TNS3: variants seen among roughly 807,000 people sequenced by gnomAD.
The protein encoded by TNS3 is tensin 3.
Under a neutral mutation model 140.9 loss-of-function variants are expected in TNS3, and 45 were observed. That is an observed-to-expected ratio of 0.32 (90% CI 0.25 to 0.41). The LOEUF (loss-of-function observed/expected upper bound fraction) is 0.41. Ranked by LOEUF, TNS3 falls within the 10% of genes least tolerant of loss-of-function variation. The pLI is 1.00. For missense variants in TNS3, 1,716 were observed against 1,906.7 expected (o/e 0.90, Z 1.86); for synonymous variants, 815 against 788.4 (o/e 1.03, Z -0.56).
intron 17 of TNS3, among the ~76,000 whole-genome samples, chr7:47,366,640 C>T (rs1790719199): frequency 6.6e-6 from 1 of 152,200 alleles, no homozygotes; most frequent in African/African-American, 2.4e-5. Context: ...GTCGGGACTG[C>T]AGTCCTCACC....
rs1161107201 is a variant in TNS3, at chr7:47,532,905, G to A, written c.-264-3758C>T. ...AATTATAGGTAATAAGCAAACAAGA[G>A]AGATAAAATGAAATAATAAAAATTA... On this transcript the variant is annotated intron_variant, in intron 1 of 30. Coordinates refer to ENST00000311160, the MANE Select transcript of TNS3 (RefSeq NM_022748.12). Among the ~76,000 whole-genome samples, 7 of 151,778 alleles carry A rather than the reference G, an allele frequency of 4.6e-5. No homozygotes were observed. In the East Asian group the frequency reaches 9.7e-4, roughly 21 times the overall value.
intron 3 of TNS3, among the ~76,000 whole-genome samples, chr7:47,506,622 G>A (rs916487689): frequency 6.6e-6 from 1 of 151,856 alleles, no homozygotes; most frequent in Non-Finnish European, 1.5e-5. Context: ...AGAAACCAGG[G>A]ACCATGTGCC....
intron 27 of TNS3, among the ~76,000 whole-genome samples, chr7:47,288,376 G>C (rs964271950): frequency 6.6e-6 from 1 of 152,174 alleles, no homozygotes; most frequent in Non-Finnish European, 1.5e-5. Context: ...GTTCTTCTGC[G>C]CTTTCTTGAA....
chr7:47,550,919 C>T (rs377566100), intron 1 of TNS3, among the ~76,000 whole-genome samples: 8 of 152,190 alleles, frequency 5.3e-5, no homozygotes, highest in African/African-American at 1.9e-4. Flanking sequence ...AGTCTTACCC[C>T]ACTCCTGAGG....
chr7:47,293,218 A>C (rs1361966137), intron 25 of TNS3, among the ~76,000 whole-genome samples: 1 of 152,236 alleles, frequency 6.6e-6, no homozygotes, highest in Non-Finnish European at 1.5e-5. Flanking sequence ...AGCCAACTCC[A>C]ACTTCAACCA....
intron 16 of TNS3, among the ~76,000 whole-genome samples, chr7:47,375,205 G>A (rs1395828408): frequency 6.6e-6 from 1 of 152,186 alleles, no homozygotes; most frequent in East Asian, 1.9e-4. Context: ...AGCTGCGGAT[G>A]CAGGAGGAGA....
chr7:47,501,895 T>C (rs1470574437), intron 3 of TNS3, among the ~76,000 whole-genome samples: 1 of 151,960 alleles, frequency 6.6e-6, no homozygotes, highest in African/African-American at 2.4e-5. Flanking sequence ...GAAATAGAGA[T>C]GCAGCCCAAG....
rs752982158 is a variant in TNS3, at chr7:47,396,821, T to A, written c.1003A>T (p.Asn335Tyr). 5.6e-6 allele frequency: 9 copies of A among 1,614,134 alleles called. No individual in the cohort carries two copies. Among genetic ancestry groups the A allele is most frequent in the Middle Eastern group, 1.6e-4 (1 of 6,062 alleles). ...GCACCTTCTCCATCTGCACTGAGGT[T>A]CTCGTACGAGTCCCAGCGTATCAGT... ...DPLIRWDSYENLSADGEVLHT... is the reference protein window; with the variant it reads ...DPLIRWDSYEYLSADGEVLHT... The change falls in exon 16 of 31, where the codon AAC (asparagine) becomes TAC (tyrosine). Residue 335 changes from asparagine to tyrosine, a missense_variant. Physicochemically the swap from Asn to Tyr is moderately radical, Grantham distance 143. Transcript: ENST00000311160.
At chr7:47,576,090 T>C (rs1800669136) in intron 1 of TNS3, among the ~76,000 whole-genome samples, 1 of 152,092 alleles carries the variant, frequency 6.6e-6, no homozygotes, top group Non-Finnish European at 1.5e-5. Context: ...TCCTTGATCT[T>C]TGGAGAAAAA....
chr7:47,444,616 C>T lies in TNS3; in HGVS notation c.-75-2561G>A, dbSNP rs180990498. Among the ~76,000 whole-genome samples the T allele has an allele frequency of 1.4e-3, 209 of 152,214 alleles. 1 individual carries two copies. Among genetic ancestry groups the T allele is most frequent in the Middle Eastern group, 6.8e-3 (2 of 294 alleles). On this transcript the variant is annotated intron_variant, in intron 4 of 30. Transcript: ENST00000311160. ...CAGAAGGCATGAGGACTCTGCTGTC[C>T]CTGACGGAACCCAGGGCCCATTTCC...
rs571628907 is a variant in TNS3 at position 47,306,028 on chromosome 7, T to C, written c.2651-1025A>G. 2.6e-5 allele frequency among the ~76,000 whole-genome samples: 4 copies of C among 152,298 alleles called. No homozygotes were observed. In the South Asian group the frequency reaches 8.3e-4, roughly 32 times the overall value. On this transcript the variant is annotated intron_variant, in intron 20 of 30. Transcript: ENST00000311160. The stretch of plus-strand genomic sequence containing the variant: ...ACTATCACCTCACATGCTTGAAATA[T>C]GTGTTATTTTAATTATACTGAAAAA...
intron 4 of TNS3, among the ~76,000 whole-genome samples, chr7:47,448,337 T>TCCTC (rs1436553418): frequency 3.3e-5 from 5 of 152,142 alleles, no homozygotes; most frequent in Non-Finnish European, 7.4e-5. Context: ...AGACATGGGA[T>TCCTC]CCTCCCCAGG....
At chr7:47,424,281 C>G in intron 9 of TNS3, 97 bp from the exon 10 acceptor site, 1 of 1,193,524 alleles carries the variant, frequency 8.4e-7, no homozygotes. Flanking sequence ...TCAAAGCGAC[C>G]AGCTCCCACA....
At chr7:47,477,573 A>T (rs1797242416) in intron 4 of TNS3, among the ~76,000 whole-genome samples, 1 of 152,178 alleles carries the variant, frequency 6.6e-6, no homozygotes, top group African/African-American at 2.4e-5. Context: ...GAGGGAGGGC[A>T]GGGCATCTGA....
At chr7:47,530,552 G>A (rs979298446) in intron 1 of TNS3, among the ~76,000 whole-genome samples, 12 of 151,858 alleles carry the variant, frequency 7.9e-5, no homozygotes, top group South Asian at 4.2e-4. Flanking sequence ...GGCCAGGCTC[G>A]GTGGCTCACA....
chr7:47,530,771 C>T (rs553934824), intron 1 of TNS3, among the ~76,000 whole-genome samples: 23 of 138,930 alleles, frequency 1.7e-4, no homozygotes, highest in Non-Finnish European at 2.9e-4. Flanking sequence ...TGCAGTGAGC[C>T]GAGATCGCGC....
At chr7:47,440,104 G>A (rs905984820) in intron 5 of TNS3, among the ~76,000 whole-genome samples, 5 of 152,104 alleles carry the variant, frequency 3.3e-5, no homozygotes, top group Admixed American at 6.5e-5. Flanking sequence ...GGGCCAGGAG[G>A]AAGCGGAGAT....
Position 47,400,349 on chromosome 7 carries a change from C to G in TNS3, c.919+44G>C, listed in dbSNP as rs572879627. On this transcript the variant is annotated intron_variant, in intron 15 of 30. Coordinates refer to ENST00000311160, the MANE Select transcript of TNS3 (RefSeq NM_022748.12). ...CAGCGTAGCCATCATGCACCTTTCA[C>G]CAGTGTCAGCAAGGACCACCCAGTA... is the stretch of plus-strand genomic sequence containing the variant. The G allele has an allele frequency of 1.0e-5, 16 of 1,555,796 alleles. No homozygotes were observed. In the South Asian group the frequency reaches 1.7e-4, roughly 16 times the overall value.
At chr7:47,289,810 A>T (rs1785599667) in intron 27 of TNS3, among the ~76,000 whole-genome samples, 1 of 152,256 alleles carries the variant, frequency 6.6e-6, no homozygotes, top group African/African-American at 2.4e-5. Context: ...CCAAGGTGTC[A>T]GTTCTTCCTA....
Sources: gnomAD v4.1 joint callset for allele counts (sites outside exome capture counted in the v4.1 genomes callset) on GRCh38, gnomAD v4.1.1 for gene constraint, MANE v1.5 for transcripts, NCBI Gene and HGNC (gene_info 2026-07-23, HGNC 2026-07-21) for gene names.